Variants in THEMIS observed in about 807,000 individuals in gnomAD.
THEMIS encodes thymocyte selection associated, also known as protein THEMIS.
A neutral mutation model predicts 52.6 loss-of-function variants in THEMIS; 37 were observed. The ratio of observed to expected loss-of-function variants is 0.70; its 90% CI spans 0.54 to 0.93. The LOEUF is 0.93. Among genes scored for constraint, THEMIS ranks in the 40% least tolerant of loss-of-function variants. The pLI is 0.00. For missense variants in THEMIS, 808 were observed against 763.1 expected (o/e 1.06, Z -0.69); for synonymous variants, 292 against 272.7 (o/e 1.07, Z -0.70).
At chr6:127,744,556 C>T (rs1019418424) in intron 4 of THEMIS, among the ~76,000 whole-genome samples, 1 of 151,910 alleles carries the variant, frequency 6.6e-6, no homozygotes, top group African/African-American at 2.4e-5. Flanking sequence ...AGGCATCACA[C>T]TTAATGAAAT....
At chr6:127,753,391 A>G (rs1327317451) in intron 4 of THEMIS, among the ~76,000 whole-genome samples, 1 of 152,088 alleles carries the variant, frequency 6.6e-6, no homozygotes, top group Non-Finnish European at 1.5e-5. Context: ...AGAAATTAAT[A>G]AAACAATCCC....
intron 4 of THEMIS, among the ~76,000 whole-genome samples, chr6:127,724,614 C>T (rs1439319920): frequency 6.6e-6 from 1 of 152,070 alleles, no homozygotes; most frequent in African/African-American, 2.4e-5. Context: ...TCTGTTTATT[C>T]TATGTAATTT....
chr6:127,718,646 T>C (rs1322978890), intron 5 of THEMIS, among the ~76,000 whole-genome samples: 2 of 151,952 alleles, frequency 1.3e-5, no homozygotes, highest in Non-Finnish European at 2.9e-5. Flanking sequence ...TGAGACTCAA[T>C]GCGCTGCAGC....
At chr6:127,913,448 C>T (rs1233399963) in intron 1 of THEMIS, among the ~76,000 whole-genome samples, 1 of 152,160 alleles carries the variant, frequency 6.6e-6, no homozygotes, top group Admixed American at 6.5e-5. Context: ...AATACCTTCA[C>T]CAGCACTATG....
upstream of THEMIS, among the ~76,000 whole-genome samples, chr6:127,905,755 G>GTGA (rs1781252733): frequency 6.6e-6 from 1 of 151,870 alleles, no homozygotes; most frequent in Non-Finnish European, 1.5e-5. Flanking sequence ...AGTTGCAAAA[G>GTGA]TGATGTTTAA....
intron 5 of THEMIS, among the ~76,000 whole-genome samples, chr6:127,710,716 T>C (rs1433186251): frequency 6.6e-6 from 1 of 152,016 alleles, no homozygotes; most frequent in Non-Finnish European, 1.5e-5. Flanking sequence ...TATTCCTTTC[T>C]ACTATGGCTT....
chr6:127,736,134 T>C (rs1774997369), intron 4 of THEMIS, among the ~76,000 whole-genome samples: 1 of 152,208 alleles, frequency 6.6e-6, no homozygotes, highest in Non-Finnish European at 1.5e-5. Context: ...TACCTATATC[T>C]GAAATTCTCA....
intron 4 of THEMIS, among the ~76,000 whole-genome samples, chr6:127,773,394 C>G (rs561568584): frequency 6.6e-6 from 1 of 152,092 alleles, no homozygotes; most frequent in Non-Finnish European, 1.5e-5. Context: ...AGTATTTGAA[C>G]GTTTTTATCC....
chr6:127,729,635 C>T (rs1774688050), intron 4 of THEMIS, among the ~76,000 whole-genome samples: 1 of 152,194 alleles, frequency 6.6e-6, no homozygotes, highest in African/African-American at 2.4e-5. Context: ...CCATGACATA[C>T]TTAATCAATC....
At chr6:127,731,483 T>G (rs1338224950) in intron 4 of THEMIS, among the ~76,000 whole-genome samples, 2 of 152,110 alleles carry the variant, frequency 1.3e-5, no homozygotes, top group African/African-American at 4.8e-5. Flanking sequence ...ACATTTATTT[T>G]GTGCTTACTA....
rs1035052801 is a variant in THEMIS, at chr6:127,709,985, T to C, written c.1926A>G (p.Ter642=). 1 of 1,590,044 alleles carries C rather than the reference T, an allele frequency of 6.3e-7. No individual in the cohort carries two copies. The highest frequency in any genetic ancestry group is 2.3e-5 in the East Asian group (1 of 44,396). ...ETFKNEKHQK[*] ...CCTAAGTGGCTTCTGTCACATCTTG[T>C]TATTTTTGATGTTTTTCATTTTTGA... The change falls in exon 6 of 6, where the codon TAA becomes TAG. Residue 642 remains the stop codon, a stop_retained_variant. Transcript: ENST00000368248.
intron 5 of THEMIS, among the ~76,000 whole-genome samples, chr6:127,711,405 A>G (rs946829515): frequency 1.6e-4 from 24 of 152,024 alleles, no homozygotes; most frequent in African/African-American, 5.6e-4. Context: ...GAGAAAGAAG[A>G]GCGATTTCTC....
rs540071776 is a variant in THEMIS at position 127,815,173 on chromosome 6, A to G, written c.710-1242T>C. Among the ~76,000 whole-genome samples, 4 of 151,934 alleles carry G rather than the reference A, an allele frequency of 2.6e-5. No homozygotes were observed. In the South Asian group the frequency reaches 6.2e-4, roughly 24 times the overall value. On this transcript the variant is annotated intron_variant, in intron 3 of 5. Coordinates refer to ENST00000368248, the MANE Select transcript of THEMIS (RefSeq NM_001010923.3). ...TCTCAAAACATAAAAATAAAAAAAA[A>G]TAATAAAGTTATGTGTTAATATTAA... is the stretch of plus-strand genomic sequence containing the variant.
chr6:127,841,323 A>G (rs1376838868), intron 2 of THEMIS, among the ~76,000 whole-genome samples: 1 of 152,072 alleles, frequency 6.6e-6, no homozygotes, highest in African/African-American at 2.4e-5. Context: ...AAGATGCAAG[A>G]AACAGAAGAT....
chr6:127,806,714 G>T (rs1186442270), intron 4 of THEMIS, among the ~76,000 whole-genome samples: 1 of 152,130 alleles, frequency 6.6e-6, no homozygotes, highest in Non-Finnish European at 1.5e-5. Flanking sequence ...TACCAACTCA[G>T]CTATCCAGAT....
At chr6:127,917,065 G>T (rs545003032) in intron 1 of THEMIS, among the ~76,000 whole-genome samples, 32 of 152,312 alleles carry the variant, frequency 2.1e-4, no homozygotes, top group African/African-American at 7.0e-4. Context: ...TCTAGAAAAA[G>T]GGAATGGAGA....
chr6:127,917,628 G>A (rs1781554464), intron 1 of THEMIS, among the ~76,000 whole-genome samples: 1 of 152,168 alleles, frequency 6.6e-6, no homozygotes, highest in South Asian at 2.1e-4. Flanking sequence ...GTAATCAGCA[G>A]GGATGTCCCT....
At chr6:127,734,911 ATATG>A (rs1439845957) in intron 4 of THEMIS, among the ~76,000 whole-genome samples, 1,549 of 127,814 alleles carry the variant, frequency 0.012, 47 homozygotes, top group African/African-American at 0.044. Flanking sequence ...ATATATATAT[ATATG>A]TGTGTGTGTG....
In THEMIS at chr6:127,757,229, C is replaced by T. The variant is rs553610872; in HGVS notation, c.1759-37406G>A. 1.9e-4 allele frequency among the ~76,000 whole-genome samples: 29 copies of T among 152,234 alleles called. 1 individual carries two copies. The highest frequency in any genetic ancestry group is 1.5e-3 in the South Asian group (7 of 4,826). The stretch of plus-strand genomic sequence containing the variant: ...TCACCATCTACAGCGTATTATGCCA[C>T]GGATTTCTGCAAGTATTGTTGAAGT... On this transcript the variant is annotated intron_variant, in intron 4 of 5. Transcript: ENST00000368248.
Sources: allele counts gnomAD v4.1 joint callset (sites outside exome capture counted in the v4.1 genomes callset), GRCh38; gene constraint gnomAD v4.1.1; transcripts MANE v1.5; gene names NCBI Gene and HGNC (gene_info 2026-07-23, HGNC 2026-07-21).